DAB1: variants seen among roughly 807,000 people sequenced by gnomAD.
DAB1 encodes disabled homolog 1.
A neutral mutation model predicts 64.6 loss-of-function variants in DAB1; 15 were observed. The ratio of observed to expected loss-of-function variants is 0.23; its 90% CI spans 0.16 to 0.36. The LOEUF (loss-of-function observed/expected upper bound fraction) is 0.36. Among genes scored for constraint, DAB1 ranks in the 10% least tolerant of loss-of-function variants. DAB1 has a pLI of 1.00. For synonymous variants in DAB1, 235 were observed against 251.9 expected, an observed-to-expected ratio of 0.93 and a Z score of 0.64; for missense variants, 596 against 706.7, an observed-to-expected ratio of 0.84 and a Z score of 1.78.
At chr1:57,989,696 C>A (rs1193033900) in intron 5 of DAB1, among the ~76,000 whole-genome samples, 1 of 152,118 alleles carries the variant, frequency 6.6e-6, no homozygotes, top group East Asian at 1.9e-4. Context: ...ACATGGGGCA[C>A]CAGGGCTGGG....
At chr1:57,148,297 G>A (rs998232381) in intron 2 of DAB1, among the ~76,000 whole-genome samples, 5 of 152,124 alleles carry the variant, frequency 3.3e-5, no homozygotes, top group African/African-American at 1.2e-4. Flanking sequence ...AAAATATTAG[G>A]CCATTTAGAG....
intron 7 of DAB1, among the ~76,000 whole-genome samples, chr1:57,493,272 A>G (rs899096587): frequency 1.3e-5 from 2 of 150,258 alleles, no homozygotes; most frequent in African/African-American, 5.0e-5. Context: ...CCACCCATGA[A>G]ACATTAACCC....
At position 57,206,945 on chromosome 1, in the gene DAB1, CTTTCTCTTTCTT is replaced by C. The variant is rs145400497; in HGVS notation, c.68-61528_68-61517del. ...AACTCTTCTTTTCTTCTTTCTTTCT[CTTTCTCTTTCTT>C]TCCTTCCTTCCTTTTTTTTTTTTTT... On this transcript the variant is annotated intron_variant, in intron 2 of 14. Transcript: ENST00000371236. Among the ~76,000 whole-genome samples, 972 of 128,358 alleles carry C rather than the reference CTTTCTCTTTCTT, an allele frequency of 7.6e-3. 26 individuals carry two copies. In the East Asian group the frequency reaches 0.083, roughly 11 times the overall value. The allele number at this position is 128,358 out of a possible 152,430, so 84.2% of individuals were successfully genotyped here. A position where few individuals can be genotyped will look rare whatever the true frequency, so the allele number is the denominator to read the frequency against.
At chr1:57,606,324 G>A (rs1645636505) in intron 7 of DAB1, 1 of 142,510 alleles carries the variant, frequency 7.0e-6, no homozygotes, top group Admixed American at 8.1e-5. Context: ...CATCCTCAAA[G>A]AGCGATTTGC....
intron 7 of DAB1, among the ~76,000 whole-genome samples, chr1:57,515,142 A>AGAAAGGCAAAGCAAAAAACAGC (rs1644449057): frequency 6.6e-6 from 1 of 152,156 alleles, no homozygotes; most frequent in Non-Finnish European, 1.5e-5. Context: ...AGAAAAGAAA[A>AGAAAGGCAAAGCAAAAAACAGC]GAAAGGCAAA....
chr1:58,210,052 G>T (rs892473353), intron 4 of DAB1, among the ~76,000 whole-genome samples: 3 of 152,130 alleles, frequency 2.0e-5, no homozygotes, highest in Non-Finnish European at 2.9e-5. Flanking sequence ...ATGAGCACTT[G>T]TTTGCCACTC....
chr1:58,194,341 T>C (rs888603546), intron 4 of DAB1, among the ~76,000 whole-genome samples: 1 of 152,230 alleles, frequency 6.6e-6, no homozygotes, highest in African/African-American at 2.4e-5. Flanking sequence ...ATGAACATAG[T>C]TATTATGAAC....
At position 58,049,296 on chromosome 1, in the gene DAB1, G is replaced by A. The variant is rs985612281; in HGVS notation, n.387+101215C>T. 20 of 687,660 alleles carry A rather than the reference G, an allele frequency of 2.9e-5. No individual in the cohort carries two copies. The African/African-American group carries it at 3.2e-4, about 11-fold the overall frequency. The allele number at this position is 687,660 out of a possible 1,614,324, so 42.6% of individuals were successfully genotyped here. On this transcript the variant is annotated intron_variant and non_coding_transcript_variant, in intron 5 of 20. Transcript: ENST00000485760. The stretch of plus-strand genomic sequence containing the variant: ...AGGAGACTCTGACTTAGACAGGATG[G>A]CAGGGAGAAGAGAGACTTTAACGAT...
At chr1:57,799,772 A>G (rs1569723437) in intron 6 of DAB1, among the ~76,000 whole-genome samples, 1 of 152,318 alleles carries the variant, frequency 6.6e-6, no homozygotes, top group East Asian at 1.9e-4. Context: ...TTCGTGACAC[A>G]TGAAAATTAT....
At chr1:58,274,763 G>A (rs1402715195) in intron 4 of DAB1, among the ~76,000 whole-genome samples, 3 of 152,136 alleles carry the variant, frequency 2.0e-5, no homozygotes, top group Non-Finnish European at 2.9e-5. Flanking sequence ...GGAGTGACCC[G>A]ATTTTCCAGG....
chr1:57,793,078 A>G lies in DAB1; in HGVS notation n.551+90921T>C, dbSNP rs950372781. Among the ~76,000 whole-genome samples, 12 of 152,252 alleles carry G rather than the reference A, an allele frequency of 7.9e-5. 1 individual carries two copies. Among genetic ancestry groups the G allele is most frequent in the Admixed American group, 2.6e-4 (4 of 15,286 alleles). On this transcript the variant is annotated intron_variant and non_coding_transcript_variant, in intron 6 of 20. Transcript: ENST00000485760. ...GCTTTTAGGCCCATAATCTGAGCTTAGTGGTACTTAATAGAAATTTGCTGG... is the reference window on the plus strand; with the variant it reads ...GCTTTTAGGCCCATAATCTGAGCTTGGTGGTACTTAATAGAAATTTGCTGG...
At chr1:57,708,830 C>G (rs890221303) in intron 6 of DAB1, among the ~76,000 whole-genome samples, 1 of 151,916 alleles carries the variant, frequency 6.6e-6, no homozygotes, top group Non-Finnish European at 1.5e-5. Flanking sequence ...AATGCAAGAC[C>G]GTCTTTCCTA....
chr1:57,055,284 G>A (rs1385641313), intron 9 of DAB1, among the ~76,000 whole-genome samples: 1 of 152,198 alleles, frequency 6.6e-6, no homozygotes, highest in African/African-American at 2.4e-5. Context: ...AGGAAAGGGT[G>A]CAGGAGAGAA....
At chr1:57,970,115 A>C (rs1003393898) in intron 5 of DAB1, among the ~76,000 whole-genome samples, 2 of 152,190 alleles carry the variant, frequency 1.3e-5, no homozygotes, top group Non-Finnish European at 2.9e-5. Context: ...CCAGACATCA[A>C]ATCAGATGGT....
intron 4 of DAB1, among the ~76,000 whole-genome samples, chr1:58,273,984 T>C: frequency 9.4e-6 from 1 of 106,100 alleles, no homozygotes; most frequent in Non-Finnish European, 1.9e-5. Context: ...AGTAATTTGA[T>C]CGTCTGAAGC....
intron 2 of DAB1, among the ~76,000 whole-genome samples, chr1:57,166,919 G>C (rs1661257118): frequency 6.6e-6 from 1 of 152,186 alleles, no homozygotes. Flanking sequence ...TGACTCCAAA[G>C]TTCATAGTCT....
chr1:57,127,927 C>G (rs548786904), intron 4 of DAB1, among the ~76,000 whole-genome samples: 1 of 152,192 alleles, frequency 6.6e-6, no homozygotes, highest in Admixed American at 6.5e-5. Context: ...GCGGCTGGAT[C>G]ACCTGAGGTC....
intron 5 of DAB1, among the ~76,000 whole-genome samples, chr1:57,970,992 G>A (rs1373505461): frequency 6.6e-6 from 1 of 152,180 alleles, no homozygotes; most frequent in Non-Finnish European, 1.5e-5. Context: ...ATTTATTGTA[G>A]TGGTTTCAGG....
At chr1:58,338,889 C>T (rs1663185497) in intron 4 of DAB1, among the ~76,000 whole-genome samples, 1 of 152,140 alleles carries the variant, frequency 6.6e-6, no homozygotes, top group Admixed American at 6.5e-5. Context: ...AGTATGCTAA[C>T]TGAAAGAAGC....
Sources: gnomAD v4.1 joint callset for allele counts (sites outside exome capture counted in the v4.1 genomes callset) on GRCh38, gnomAD v4.1.1 for gene constraint, MANE v1.5 for transcripts, NCBI Gene and HGNC (gene_info 2026-07-23, HGNC 2026-07-21) for gene names.